The following MZT2B variants were observed in gnomAD, a reference collection of about 807,000 sequenced individuals.
The protein encoded by MZT2B is mitotic spindle organizing protein 2B.
A neutral mutation model predicts 12.1 loss-of-function variants in MZT2B; 11 were observed. The observed-to-expected ratio is 0.91, with a 90% CI of 0.57 to 1.50. MZT2B has a LOEUF of 1.50. MZT2B is among the 40% of genes most tolerant of loss of function. The probability of loss-of-function intolerance (pLI) is 0.00; values close to 1 mark genes in which losing one functional copy is unlikely to be tolerated. For synonymous variants in MZT2B, 85 were observed against 109.5 expected, an observed-to-expected ratio of 0.78 and a Z score of 1.40; for missense variants, 209 against 227.7, an observed-to-expected ratio of 0.92 and a Z score of 0.53.
At position 130,190,581 on chromosome 2, in the gene MZT2B, C is replaced by CA. The variant is rs1199270147; in HGVS notation, c.434dup (p.Gly148ArgfsTer34). ...GCCAGCCCAGCGCTACCAGGCTGCC[C>CA]AAGGGGGGCGGGCCTGGGAAGAGCC... On this transcript the variant is annotated frameshift_variant, in exon 3 of 3. Transcript: ENST00000281871. LOFTEE classifies it high-confidence loss of function. The CA allele has an allele frequency of 6.2e-7, 1 of 1,613,268 alleles. No homozygotes were observed. Among genetic ancestry groups the CA allele is most frequent in the East Asian group, 2.2e-5 (1 of 44,804 alleles).
chr2:130,200,613 A>C, the MZT2B span, among the ~76,000 whole-genome samples: 1 of 151,876 alleles, frequency 6.6e-6, no homozygotes, highest in Non-Finnish European at 1.5e-5. Context: ...AGTGCTGTGA[A>C]CACTTTTTCT....
chr2:130,195,355 A>C (rs1690379400), downstream of MZT2B: 1 of 1,369,422 alleles, frequency 7.3e-7, no homozygotes, highest in African/African-American at 1.5e-5. Flanking sequence ...GTCATAGGTC[A>C]ACAGTGGCAG....
chr2:130,203,058 T>C, the MZT2B span, among the ~76,000 whole-genome samples: 2 of 139,836 alleles, frequency 1.4e-5, no homozygotes, highest in Non-Finnish European at 3.0e-5. Context: ...CTTTTTTTTT[T>C]TTTTTTTTTG....
At chr2:130,198,130 TC>T in the MZT2B span, among the ~76,000 whole-genome samples, 16 of 121,632 alleles carry the variant, frequency 1.3e-4, 5 homozygotes, top group African/African-American at 2.9e-4. Flanking sequence ...CCGTCAATGG[TC>T]CCCGTCCACT....
downstream of MZT2B, among the ~76,000 whole-genome samples, chr2:130,194,636 A>G (rs1288097801): frequency 6.6e-6 from 1 of 152,194 alleles, no homozygotes; most frequent in South Asian, 2.1e-4. Flanking sequence ...CTACGGACAA[A>G]TCACCATTGC....
chr2:130,194,659 A>G (rs942331473), downstream of MZT2B, among the ~76,000 whole-genome samples: 8 of 152,166 alleles, frequency 5.3e-5, no homozygotes, highest in African/African-American at 1.9e-4. Context: ...ACTCAGTAGG[A>G]CTCAAGATGC....
chr2:130,189,684 C>A (rs1690187437), intron 2 of MZT2B, among the ~76,000 whole-genome samples: 1 of 152,180 alleles, frequency 6.6e-6, no homozygotes, highest in Non-Finnish European at 1.5e-5. Flanking sequence ...CACCCTGAGC[C>A]CAGGGAAATC....
the MZT2B span, chr2:130,196,374 G>A: frequency 6.2e-7 from 1 of 1,611,614 alleles, no homozygotes. Context: ...CACTCGCGCT[G>A]TGAACCGGAA....
In MZT2B at chr2:130,184,704, C is replaced by G. The variant is rs1392596056; in HGVS notation, c.319+1929C>G. ...AGATGAGCAATTGAGGGGCAAGTGT[C>G]CAGCAGGAGGGAGAAACTGGGAACA... On this transcript the variant is annotated intron_variant, in intron 2 of 2. Coordinates refer to ENST00000281871, the MANE Select transcript of MZT2B (RefSeq NM_025029.5). 3.0e-6 allele frequency: 3 copies of G among 985,282 alleles called. No homozygotes were observed. In the African/African-American group the frequency reaches 5.2e-5, roughly 17 times the overall value. The allele number at this position is 985,282 out of a possible 1,614,324, so 61.0% of individuals were successfully genotyped here.
chr2:130,189,771 A>C (rs1223530079), intron 2 of MZT2B, among the ~76,000 whole-genome samples: 6 of 152,224 alleles, frequency 3.9e-5, no homozygotes, highest in Non-Finnish European at 5.9e-5. Flanking sequence ...AAAGTAAGCA[A>C]ATTACAAATC....
At chr2:130,191,939 C>G (rs757453340), downstream of MZT2B, 2 of 1,613,944 alleles carry the variant, frequency 1.2e-6, no homozygotes, top group African/African-American at 2.7e-5. Context: ...AGAACTCTCC[C>G]TCTTCCATGC....
intron 2 of MZT2B, among the ~76,000 whole-genome samples, chr2:130,186,204 G>GTGTGGAGTTCTCCAGGC (rs1690058204): frequency 6.6e-6 from 1 of 152,140 alleles, no homozygotes; most frequent in Non-Finnish European, 1.5e-5. Flanking sequence ...CAGGACTCGG[G>GTGTGGAGTTCTCCAGGC]TGTGGAGTTC....
downstream of MZT2B, chr2:130,193,971 T>G: frequency 6.2e-7 from 1 of 1,614,168 alleles, no homozygotes; most frequent in Non-Finnish European, 8.5e-7. Flanking sequence ...GCATTGGTGA[T>G]CTCGGCCACA....
chr2:130,189,601 C>A (rs556957113), intron 2 of MZT2B, among the ~76,000 whole-genome samples: 40 of 152,294 alleles, frequency 2.6e-4, no homozygotes, highest in African/African-American at 9.6e-4. Flanking sequence ...GGGTCTGTGA[C>A]CCCACGGGCA....
At chr2:130,200,825 A>G in the MZT2B span, among the ~76,000 whole-genome samples, 1 of 152,224 alleles carries the variant, frequency 6.6e-6, no homozygotes, top group Non-Finnish European at 1.5e-5. Flanking sequence ...TCCTGGCCTC[A>G]AGTGATCCCC....
At chr2:130,190,899 G>T (rs1690244281), downstream of MZT2B, among the ~76,000 whole-genome samples, 1 of 152,098 alleles carries the variant, frequency 6.6e-6, no homozygotes, top group African/African-American at 2.4e-5. Flanking sequence ...TGGATTGCCA[G>T]GTCTTTTATA....
chr2:130,186,509 C>G (rs1161467232), intron 2 of MZT2B, among the ~76,000 whole-genome samples: 4 of 152,200 alleles, frequency 2.6e-5, no homozygotes. Flanking sequence ...TGTAAGATGA[C>G]GTTTGGAGTG....
intron 2 of MZT2B, chr2:130,183,904 C>G: frequency 1.3e-6 from 2 of 1,550,592 alleles, no homozygotes; most frequent in Non-Finnish European, 8.7e-7. Flanking sequence ...ACACACTCGC[C>G]TCTCTCTCCA....
the MZT2B span, among the ~76,000 whole-genome samples, chr2:130,204,628 T>C: frequency 6.8e-6 from 1 of 147,424 alleles, no homozygotes; most frequent in Non-Finnish European, 1.5e-5. Flanking sequence ...GAGGCGGAGG[T>C]TGCAGTGAGC....
Sources: gnomAD v4.1 joint callset for allele counts (sites outside exome capture counted in the v4.1 genomes callset) on GRCh38, gnomAD v4.1.1 for gene constraint, MANE v1.5 for transcripts, NCBI Gene and HGNC (gene_info 2026-07-23, HGNC 2026-07-21) for gene names.